KCNH8: variants seen among roughly 807,000 people sequenced by gnomAD.
The protein encoded by KCNH8 is voltage-gated delayed rectifier potassium channel KCNH8.
In KCNH8, 70 loss-of-function variants were observed where a neutral mutation model predicts 103.6. The ratio of observed to expected loss-of-function variants is 0.68; its 90% CI spans 0.56 to 0.82. The LOEUF (loss-of-function observed/expected upper bound fraction) is 0.82. Among genes scored for constraint, KCNH8 ranks in the 40% least tolerant of loss-of-function variants. The pLI is 0.00. For synonymous variants in KCNH8, 498 were observed against 489.4 expected, an observed-to-expected ratio of 1.02 and a Z score of -0.23; for missense variants, 1,217 against 1,329.9, an observed-to-expected ratio of 0.92 and a Z score of 1.32.
chr3:19,421,725 C>T (rs1393537357), intron 7 of KCNH8, among the ~76,000 whole-genome samples: 5 of 151,896 alleles, frequency 3.3e-5, no homozygotes, highest in Non-Finnish European at 5.9e-5. Flanking sequence ...AAATGTTATT[C>T]TTTCATCAAT....
chr3:19,228,398 T>C (rs2063956320), intron 1 of KCNH8, among the ~76,000 whole-genome samples: 1 of 152,214 alleles, frequency 6.6e-6, no homozygotes, highest in Admixed American at 6.5e-5. Flanking sequence ...GCTGTTCTTT[T>C]TTCACAAGCT....
At chr3:19,367,394 C>A (rs11128916) in intron 5 of KCNH8, among the ~76,000 whole-genome samples, 73,565 of 144,566 alleles carry the variant, frequency 0.51, 19,013 homozygotes, top group Middle Eastern at 0.66. Flanking sequence ...CTCTCTCTCT[C>A]TATATATATA....
chr3:19,233,061 T>TC (rs1208431887), intron 1 of KCNH8, among the ~76,000 whole-genome samples: 885 of 62,358 alleles, frequency 0.014, 11 homozygotes, highest in African/African-American at 0.038. Flanking sequence ...TTGATATTCC[T>TC]CCCCCCCCCC....
intron 5 of KCNH8, among the ~76,000 whole-genome samples, chr3:19,362,678 G>A (rs111414377): frequency 3.4e-4 from 51 of 152,134 alleles, no homozygotes; most frequent in African/African-American, 1.1e-3. Context: ...TTGTTTGTTT[G>A]TTTGAGACAA....
intron 3 of KCNH8, among the ~76,000 whole-genome samples, chr3:19,337,571 G>A (rs1314273362): frequency 7.2e-5 from 11 of 151,826 alleles, no homozygotes; most frequent in Non-Finnish European, 2.9e-5. Flanking sequence ...GAAAAAGGGA[G>A]GGCCTAGATT....
chr3:19,468,311 G>A (rs552681416), intron 11 of KCNH8, among the ~76,000 whole-genome samples: 1 of 152,264 alleles, frequency 6.6e-6, no homozygotes, highest in African/African-American at 2.4e-5. Flanking sequence ...GTTTACTTTG[G>A]TGCCTGGAAC....
At chr3:19,153,657 G>A (rs1159321631) in intron 1 of KCNH8, among the ~76,000 whole-genome samples, 4 of 121,866 alleles carry the variant, frequency 3.3e-5, no homozygotes, top group Admixed American at 2.0e-4. Context: ...TTTTTTAGAC[G>A]AGTCTCACTC....
chr3:19,351,370 A>G (rs2065799446), intron 5 of KCNH8, among the ~76,000 whole-genome samples: 1 of 152,164 alleles, frequency 6.6e-6, no homozygotes, highest in Admixed American at 6.5e-5. Flanking sequence ...ATTCAAATTC[A>G]GGAAATACAG....
chr3:19,233,925 C>T (rs563363036), intron 1 of KCNH8, among the ~76,000 whole-genome samples: 38 of 152,204 alleles, frequency 2.5e-4, no homozygotes, highest in African/African-American at 8.2e-4. Context: ...CAGACCTTCG[C>T]GGTGAGTGTT....
At chr3:19,279,040 G>A (rs1037843510) in intron 2 of KCNH8, among the ~76,000 whole-genome samples, 2 of 152,138 alleles carry the variant, frequency 1.3e-5, no homozygotes, top group African/African-American at 4.8e-5. Context: ...TTCTTGCAAG[G>A]TAATTGACAG....
intron 11 of KCNH8, among the ~76,000 whole-genome samples, chr3:19,494,431 G>A (rs180808570): frequency 6.6e-6 from 1 of 151,938 alleles, no homozygotes; most frequent in East Asian, 1.9e-4. Context: ...TTTGCCTGCT[G>A]TCATCCATAT....
chr3:19,262,457 G>A (rs2064449703), intron 2 of KCNH8, among the ~76,000 whole-genome samples: 1 of 151,910 alleles, frequency 6.6e-6, no homozygotes, highest in South Asian at 2.1e-4. Context: ...ACTCAAAATA[G>A]GAAAAGAGAC....
chr3:19,269,680 A>G (rs2064560866), intron 2 of KCNH8, among the ~76,000 whole-genome samples: 1 of 152,088 alleles, frequency 6.6e-6, no homozygotes, highest in Non-Finnish European at 1.5e-5. Context: ...CTCATGATTT[A>G]CATATCTTTC....
At chr3:19,334,074 T>G (rs1241410734) in intron 3 of KCNH8, among the ~76,000 whole-genome samples, 1 of 152,198 alleles carries the variant, frequency 6.6e-6, no homozygotes, top group Non-Finnish European at 1.5e-5. Context: ...AACTGGGTGC[T>G]CTGCAGAGTT....
intron 1 of KCNH8, among the ~76,000 whole-genome samples, chr3:19,153,859 C>T (rs970546134): frequency 1.3e-5 from 2 of 151,952 alleles, no homozygotes; most frequent in African/African-American, 4.8e-5. Flanking sequence ...GTCTTGAACT[C>T]ATGACCTCGT....
Position 19,456,940 on chromosome 3 carries a change from G to C in KCNH8, c.1998G>C (p.Gln666His), listed in dbSNP as rs1575087360. 1 of 1,612,298 alleles carries C rather than the reference G, an allele frequency of 6.2e-7. No individual in the cohort carries two copies. The highest frequency in any genetic ancestry group is 1.1e-5 in the South Asian group (1 of 91,028). Residue 666 changes from glutamine to histidine, a missense_variant, in exon 11 of 16, where the codon CAG becomes CAC. Physicochemically the swap from Gln to His is conservative, Grantham distance 24 (BLOSUM62 0). Around this residue, in one of 3 missense-constraint regions of KCNH8, gnomAD observed 415 missense variants for 577.4 expected, o/e 0.72. Coordinates refer to ENST00000328405, the MANE Select transcript of KCNH8 (RefSeq NM_144633.3). ...CTCACAAATTCGTGGAAGACATTCAGCATGACCTCACATACAACCTCCGAG... is the reference window on the plus strand; with the variant it reads ...CTCACAAATTCGTGGAAGACATTCACCATGACCTCACATACAACCTCCGAG... ...EYAHKFVEDI[Q>H]HDLTYNLREG...
intron 8 of KCNH8, among the ~76,000 whole-genome samples, chr3:19,444,632 C>A (rs1331588972): frequency 6.6e-6 from 1 of 151,402 alleles, no homozygotes; most frequent in Non-Finnish European, 1.5e-5. Flanking sequence ...ATATAAAGAA[C>A]TGTTAAATCA....
intron 11 of KCNH8, among the ~76,000 whole-genome samples, chr3:19,480,622 G>C (rs759299342): frequency 1.3e-5 from 2 of 152,156 alleles, no homozygotes; most frequent in Non-Finnish European, 2.9e-5. Context: ...CAACATTAGA[G>C]AATACAATAG....
intron 1 of KCNH8, among the ~76,000 whole-genome samples, chr3:19,209,159 G>A (rs956025674): frequency 1.3e-5 from 2 of 151,914 alleles, no homozygotes; most frequent in African/African-American, 2.4e-5. Flanking sequence ...GTAAATAAAT[G>A]TGTAAAATAT....
Sources: gnomAD v4.1 joint callset for allele counts (sites outside exome capture counted in the v4.1 genomes callset) on GRCh38, gnomAD v4.1.1 for gene constraint, gnomAD v4.1.1 regional missense constraint, MANE v1.5 for transcripts, NCBI Gene and HGNC (gene_info 2026-07-23, HGNC 2026-07-21) for gene names.